STOML3: variants seen among roughly 807,000 people sequenced by gnomAD.
The protein encoded by STOML3 is stomatin like 3, also known as stomatin-like protein 3.
STOML3 carries 31 observed loss-of-function variants against 29.5 expected under a neutral mutation model. The observed-to-expected ratio is 1.05, with a 90% CI of 0.79 to 1.42. STOML3 has a LOEUF of 1.42. STOML3 is among the 40% of genes most tolerant of loss of function. The pLI is 0.00. For synonymous variants in STOML3, 122 were observed against 139.8 expected (o/e 0.87, Z 0.90); for missense variants, 380 against 363.0 (o/e 1.05, Z -0.38).
intron 1 of STOML3, among the ~76,000 whole-genome samples, chr13:38,977,783 G>A (rs1296987529): frequency 3.9e-5 from 4 of 103,390 alleles, no homozygotes; most frequent in African/African-American, 9.6e-5. Flanking sequence ...TTTTTGAGAC[G>A]GAGTCTCGCT....
At chr13:38,970,476 CAGA>C in intron 4 of STOML3, 88 bp from the exon 5 acceptor site, 3 of 1,114,986 alleles carry the variant, frequency 2.7e-6, no homozygotes, top group South Asian at 2.7e-5. Flanking sequence ...CCATCCTCCA[CAGA>C]AGGAGAGCAG....
chr13:38,974,199 A>G (rs1364166603), intron 3 of STOML3, among the ~76,000 whole-genome samples: 3 of 152,146 alleles, frequency 2.0e-5, no homozygotes, highest in African/African-American at 7.2e-5. Context: ...AACCACAAGG[A>G]ATGTCAGCAA....
Position 38,976,693 on chromosome 13 carries a change from C to T in STOML3, c.156+1G>A. The T allele has an allele frequency of 1.2e-6, 2 of 1,613,938 alleles. No homozygotes were observed. The highest frequency in any genetic ancestry group is 2.2e-5 in the South Asian group (2 of 91,050). On this transcript the variant is annotated splice_donor_variant, in intron 2 of 6. Transcript: ENST00000379631. LOFTEE classifies it high-confidence loss of function. ...GCCCAGTTTATTTCCCAGGGTGTTA[C>T]CTTCAAGCACATCCATATGGAGATG...
At chr13:38,984,850 G>A (rs553625953) in intron 1 of STOML3, among the ~76,000 whole-genome samples, 8 of 152,226 alleles carry the variant, frequency 5.3e-5, no homozygotes, top group Admixed American at 2.0e-4. Context: ...TTAGTGCTCT[G>A]AATGCAGGTA....
chr13:38,978,950 G>C (rs1384388457), intron 1 of STOML3, among the ~76,000 whole-genome samples: 3 of 151,942 alleles, frequency 2.0e-5, no homozygotes, highest in South Asian at 2.1e-4. Context: ...CAAAAAGTTT[G>C]TACCAACCTC....
intron 6 of STOML3, 22 bp from the exon 7 acceptor site, chr13:38,967,071 C>T (rs1880684544): frequency 1.9e-6 from 3 of 1,603,818 alleles, no homozygotes; most frequent in Non-Finnish European, 2.6e-6. Flanking sequence ...GAAATAAAAT[C>T]GTTCAGAAAT....
chr13:38,972,019 C>T (rs1266201869), intron 4 of STOML3, among the ~76,000 whole-genome samples: 4 of 152,208 alleles, frequency 2.6e-5, no homozygotes, highest in African/African-American at 9.6e-5. Flanking sequence ...TATGCCTGCC[C>T]CCTCTATTGC....
At chr13:38,988,642 C>A (rs1289823346) in intron 1 of STOML3, among the ~76,000 whole-genome samples, 6 of 110,380 alleles carry the variant, frequency 5.4e-5, no homozygotes, top group Admixed American at 1.1e-4. Flanking sequence ...TATTTTATAT[C>A]ATATATTTTA....
rs1304158516 is a variant in STOML3 at position 38,987,802 on chromosome 13, TTA to T, written c.52+2866_52+2867del. ...TTGTGTATATATTATATATTATATT[TTA>T]TATATAATATATTATATTTTATATA... On this transcript the variant is annotated intron_variant, in intron 1 of 6. Coordinates refer to ENST00000379631, the MANE Select transcript of STOML3 (RefSeq NM_145286.3). Among the ~76,000 whole-genome samples the T allele has an allele frequency of 3.7e-4, 40 of 108,168 alleles. 4 individuals are homozygous for T. Among genetic ancestry groups the T allele is most frequent in the African/African-American group, 1.2e-3 (33 of 26,706 alleles). The allele number at this position is 108,168 out of a possible 152,430, so 71.0% of individuals were successfully genotyped here. A position where few individuals can be genotyped will look rare whatever the true frequency, so the allele number is the denominator to read the frequency against.
intron 1 of STOML3, among the ~76,000 whole-genome samples, chr13:38,977,326 A>C (rs1881116848): frequency 6.6e-6 from 1 of 152,252 alleles, no homozygotes; most frequent in East Asian, 1.9e-4. Context: ...GCATTAGGAT[A>C]GAAGACCACT....
In STOML3 at chr13:38,976,785, T is replaced by C. The variant is rs1881097037; in HGVS notation, c.65A>G (p.Lys22Arg). ...DKENFVGVNN[K>R]RLGVCGWILF... ...GATCCAGCCACATACACCAAGCCGT[T>C]TATTGTTGACACCTAGGAAATGAGA... The change falls in exon 2 of 7, where the codon AAA becomes AGA. Residue 22 changes from lysine (K) to arginine (R), a missense_variant. Coordinates refer to ENST00000379631, the MANE Select transcript of STOML3 (RefSeq NM_145286.3). 1 of 1,613,442 alleles carries C rather than the reference T, an allele frequency of 6.2e-7. No individual in the cohort carries two copies. Among genetic ancestry groups the C allele is most frequent in the African/African-American group, 1.3e-5 (1 of 74,866 alleles).
chr13:38,981,116 A>T (rs9576669), intron 1 of STOML3, among the ~76,000 whole-genome samples: 21,765 of 152,248 alleles, frequency 0.14, 1,866 homozygotes, highest in African/African-American at 0.23. Context: ...CTTTAGAGGT[A>T]ACCAAAGCCA....
chr13:38,976,740 A>C lies in STOML3; in HGVS notation c.110T>G (p.Leu37Arg). The C allele has an allele frequency of 6.2e-7, 1 of 1,614,106 alleles. No individual in the cohort carries two copies. The highest frequency in any genetic ancestry group is 1.3e-5 in the African/African-American group (1 of 75,054). The change falls in exon 2 of 7, where the codon CTG becomes CGG. Residue 37 changes from leucine (L) to arginine (R), a missense_variant. Transcript: ENST00000379631. ...GATGGGGAAGGTAATGATCACCAAC[A>C]GGAAAGAGAGGGAAAACAGGATCCA... ...CGWILFSLSF[L>R]LVIITFPISI...
intron 3 of STOML3, 69 bp from the exon 4 acceptor site, chr13:38,972,663 A>G: frequency 7.4e-6 from 10 of 1,349,024 alleles, no homozygotes; most frequent in Non-Finnish European, 1.1e-5. Context: ...TCATAGCAGC[A>G]TAGTGCATCA....
chr13:38,985,902 C>CTTTTTTTTTTTTTT (rs1371193997), intron 1 of STOML3, among the ~76,000 whole-genome samples: 8 of 35,410 alleles, frequency 2.3e-4, no homozygotes, highest in East Asian at 9.0e-4. Flanking sequence ...TTTTTTTTTT[C>CTTTTTTTTTTTTTT]TTTTCTTTCT....
At chr13:38,971,220 A>G (rs1880854869) in intron 4 of STOML3, among the ~76,000 whole-genome samples, 1 of 152,042 alleles carries the variant, frequency 6.6e-6, no homozygotes, top group Admixed American at 6.5e-5. Flanking sequence ...TTTAGTAGAG[A>G]TGAGGTTTCG....
chr13:38,989,800 GT>G (rs1868925702), intron 1 of STOML3, among the ~76,000 whole-genome samples: 1 of 152,062 alleles, frequency 6.6e-6, no homozygotes, highest in Non-Finnish European at 1.5e-5. Context: ...ATGCAGCCTA[GT>G]TTTTTCTTTT....
intron 1 of STOML3, among the ~76,000 whole-genome samples, chr13:38,987,162 G>T (rs888473648): frequency 6.6e-6 from 1 of 152,084 alleles, no homozygotes; most frequent in Admixed American, 6.6e-5. Context: ...CCCTTCAGGT[G>T]ATTCTAATCT....
intron 1 of STOML3, among the ~76,000 whole-genome samples, chr13:38,989,434 A>T (rs573299524): frequency 2.6e-5 from 4 of 152,136 alleles, no homozygotes; most frequent in Non-Finnish European, 4.4e-5. Flanking sequence ...CTACTTCAAA[A>T]GAAAAGTTTC....
Sources: allele counts gnomAD v4.1 joint callset (sites outside exome capture counted in the v4.1 genomes callset), GRCh38; gene constraint gnomAD v4.1.1; transcripts MANE v1.5; gene names NCBI Gene and HGNC (gene_info 2026-07-23, HGNC 2026-07-21).